Variants in PTPRO observed in about 807,000 individuals in gnomAD.
PTPRO encodes the protein protein tyrosine phosphatase receptor type O.
Under a neutral mutation model 145.2 loss-of-function variants are expected in PTPRO, and 62 were observed. The ratio of observed to expected loss-of-function variants is 0.43; its 90% CI spans 0.35 to 0.53. PTPRO has a LOEUF of 0.53. PTPRO is among the 20% of genes least tolerant of loss of function. PTPRO has a pLI of 0.01. For missense variants in PTPRO, 1,345 were observed against 1,482.7 expected, an observed-to-expected ratio of 0.91 and a Z score of 1.53; for synonymous variants, 565 against 514.7, an observed-to-expected ratio of 1.10 and a Z score of -1.32.
intron 1 of PTPRO, among the ~76,000 whole-genome samples, chr12:15,350,637 T>C (rs80069022): frequency 0.014 from 2,129 of 152,312 alleles, 70 homozygotes; most frequent in African/African-American, 0.049. Context: ...ATAATTGCTA[T>C]CAAATATTCT....
At position 15,379,217 on chromosome 12, in the gene PTPRO, C is replaced by T. The variant is rs542840053; in HGVS notation, c.75+56416C>T. On this transcript the variant is annotated intron_variant, in intron 1 of 26. Coordinates refer to ENST00000281171, the MANE Select transcript of PTPRO (RefSeq NM_030667.3). Reference sequence around the variant, plus strand: ...TTTTCAAAATGGTCAAAATCGGGACCAATCAAAGATGAATGGAGAGGACCA... The same window carrying T: ...TTTTCAAAATGGTCAAAATCGGGACTAATCAAAGATGAATGGAGAGGACCA... Among the ~76,000 whole-genome samples the T allele has an allele frequency of 2.0e-5, 3 of 151,926 alleles. 1 individual carries two copies. The South Asian group carries it at 6.3e-4, about 32-fold the overall frequency.
intron 18 of PTPRO, among the ~76,000 whole-genome samples, chr12:15,568,591 G>A (rs764692401): frequency 9.2e-5 from 14 of 152,206 alleles, no homozygotes; most frequent in Non-Finnish European, 1.9e-4. Context: ...TGCAGAAGCA[G>A]AGAGCTACTT....
At chr12:15,397,286 C>A (rs935592344) in intron 1 of PTPRO, among the ~76,000 whole-genome samples, 1 of 152,102 alleles carries the variant, frequency 6.6e-6, no homozygotes, top group Non-Finnish European at 1.5e-5. Context: ...CATTAAGAAA[C>A]AACTATGTGC....
chr12:15,420,822 G>T (rs1426364694), intron 1 of PTPRO, among the ~76,000 whole-genome samples: 1 of 152,076 alleles, frequency 6.6e-6, no homozygotes, highest in Non-Finnish European at 1.5e-5. Context: ...CTGCAAAATG[G>T]GTACAATAAT....
At chr12:15,328,645 G>T (rs767151702) in intron 1 of PTPRO, among the ~76,000 whole-genome samples, 7 of 152,106 alleles carry the variant, frequency 4.6e-5, no homozygotes, top group Non-Finnish European at 7.4e-5. Context: ...ATTTCTGTAA[G>T]AAAATGAATA....
intron 12 of PTPRO, among the ~76,000 whole-genome samples, chr12:15,531,956 G>C (rs1367945578): frequency 2.0e-5 from 3 of 152,112 alleles, no homozygotes; most frequent in Non-Finnish European, 4.4e-5. Flanking sequence ...ACTAATTCGT[G>C]GTTGTTTTAT....
At chr12:15,399,245 T>TC (rs1479541433) in intron 1 of PTPRO, among the ~76,000 whole-genome samples, 1 of 152,170 alleles carries the variant, frequency 6.6e-6, no homozygotes, top group Non-Finnish European at 1.5e-5. Context: ...ACAATAAAAT[T>TC]CCCTGCCAAG....
chr12:15,468,014 G>A (rs1442188857), intron 1 of PTPRO, among the ~76,000 whole-genome samples: 2 of 152,110 alleles, frequency 1.3e-5, no homozygotes, highest in African/African-American at 4.8e-5. Flanking sequence ...CTTCATCCCA[G>A]CATCATATCA....
intron 17 of PTPRO, among the ~76,000 whole-genome samples, chr12:15,562,329 C>A (rs1317522160): frequency 6.6e-6 from 1 of 152,114 alleles, no homozygotes; most frequent in Non-Finnish European, 1.5e-5. Flanking sequence ...GCTAAAGAGT[C>A]ATTTTTAATC....
chr12:15,413,003 G>T (rs1939842069), intron 1 of PTPRO, among the ~76,000 whole-genome samples: 2 of 152,048 alleles, frequency 1.3e-5, no homozygotes, highest in South Asian at 4.1e-4. Context: ...ATGTTGGCCA[G>T]GCTGGTCTCG....
chr12:15,496,832 GA>G (rs753647907), intron 2 of PTPRO, among the ~76,000 whole-genome samples: 9 of 152,170 alleles, frequency 5.9e-5, no homozygotes, highest in Non-Finnish European at 1.2e-4. Context: ...GTCTGTTACT[GA>G]TATCAAATTT....
chr12:15,538,014 G>A lies in PTPRO; in HGVS notation c.2165-8555G>A, dbSNP rs560340993. 1.1e-4 allele frequency among the ~76,000 whole-genome samples: 17 copies of A among 152,254 alleles called. No homozygotes were observed. In the South Asian group the frequency reaches 3.1e-3, roughly 28 times the overall value. ...TTTAGGTTTGCAGGGGGCAATACCT[G>A]CCATGCTACTCTTCTGATATATACC... On this transcript the variant is annotated intron_variant, in intron 12 of 26. Transcript: ENST00000281171.
intron 1 of PTPRO, among the ~76,000 whole-genome samples, chr12:15,381,224 G>A (rs1299383474): frequency 1.3e-5 from 2 of 152,120 alleles, no homozygotes; most frequent in African/African-American, 4.8e-5. Flanking sequence ...ACATCGCAAA[G>A]TTTATTCTTC....
intron 1 of PTPRO, among the ~76,000 whole-genome samples, chr12:15,377,284 A>C (rs1251233952): frequency 1.3e-5 from 2 of 152,118 alleles, no homozygotes; most frequent in Non-Finnish European, 2.9e-5. Flanking sequence ...AAGCATATAG[A>C]AACAAAGACA....
chr12:15,565,951 C>A (rs1943887776), intron 18 of PTPRO, among the ~76,000 whole-genome samples: 1 of 152,094 alleles, frequency 6.6e-6, no homozygotes, highest in African/African-American at 2.4e-5. Flanking sequence ...TAATATTTAA[C>A]TACATCAAAG....
chr12:15,328,417 G>C (rs1455776100), intron 1 of PTPRO, among the ~76,000 whole-genome samples: 1 of 152,058 alleles, frequency 6.6e-6, no homozygotes, highest in Non-Finnish European at 1.5e-5. Flanking sequence ...TTTTTCTTCT[G>C]AATATTTTAA....
chr12:15,424,428 A>G (rs2136331476), intron 1 of PTPRO, among the ~76,000 whole-genome samples: 1 of 152,296 alleles, frequency 6.6e-6, no homozygotes, highest in Non-Finnish European at 1.5e-5. Flanking sequence ...TAAAACAGGA[A>G]GAATTTTTAA....
At chr12:15,396,167 T>C (rs1939332772) in intron 1 of PTPRO, among the ~76,000 whole-genome samples, 1 of 152,168 alleles carries the variant, frequency 6.6e-6, no homozygotes, top group Non-Finnish European at 1.5e-5. Flanking sequence ...TAAATCTGAA[T>C]ATATGTGATG....
chr12:15,474,075 C>G (rs926687495), intron 1 of PTPRO, among the ~76,000 whole-genome samples: 2 of 152,094 alleles, frequency 1.3e-5, no homozygotes, highest in East Asian at 1.9e-4. Context: ...TTTAACCTGT[C>G]TGGGTAAAAT....
Sources: gnomAD v4.1 joint callset for allele counts (sites outside exome capture counted in the v4.1 genomes callset) on GRCh38, gnomAD v4.1.1 for gene constraint, MANE v1.5 for transcripts, NCBI Gene and HGNC (gene_info 2026-07-23, HGNC 2026-07-21) for gene names.